SUGCT: variants seen among roughly 807,000 people sequenced by gnomAD.
SUGCT encodes succinyl-CoA:glutarate CoA-transferase.
SUGCT carries 41 observed loss-of-function variants against 55.0 expected under a neutral mutation model. The ratio of observed to expected loss-of-function variants is 0.74; its 90% CI spans 0.58 to 0.97. The LOEUF (loss-of-function observed/expected upper bound fraction) is 0.97. Among genes scored for constraint, SUGCT ranks in the 50% least tolerant of loss-of-function variants. SUGCT has a pLI of 0.00. For missense variants in SUGCT, 568 were observed against 547.8 expected (o/e 1.04, Z -0.37); for synonymous variants, 187 against 200.4 (o/e 0.93, Z 0.56).
chr7:40,668,750 G>A (rs989923041), intron 12 of SUGCT, among the ~76,000 whole-genome samples: 1 of 152,086 alleles, frequency 6.6e-6, no homozygotes. Flanking sequence ...GACAATGAAA[G>A]CTCCAAGAAC....
chr7:40,737,967 A>G (rs1011094756), intron 12 of SUGCT, among the ~76,000 whole-genome samples: 5 of 151,866 alleles, frequency 3.3e-5, no homozygotes, highest in Non-Finnish European at 7.4e-5. Flanking sequence ...GCTCATGCCT[A>G]TAATCGCGCA....
intron 12 of SUGCT, among the ~76,000 whole-genome samples, chr7:40,586,873 G>T (rs1163025503): frequency 6.6e-6 from 1 of 152,180 alleles, no homozygotes; most frequent in Admixed American, 6.5e-5. Context: ...TTACAAGTAG[G>T]AAATAGCCTA....
chr7:40,669,222 T>G (rs1801807314), intron 12 of SUGCT, among the ~76,000 whole-genome samples: 1 of 151,996 alleles, frequency 6.6e-6, no homozygotes, highest in Non-Finnish European at 1.5e-5. Context: ...GAACCTAGAC[T>G]TCTACTCTAA....
intron 9 of SUGCT, among the ~76,000 whole-genome samples, chr7:40,344,377 G>T (rs1437980854): frequency 1.3e-5 from 2 of 152,170 alleles, no homozygotes; most frequent in South Asian, 2.1e-4. Flanking sequence ...TATTGCAGGG[G>T]TGGGCAAACT....
chr7:40,255,660 C>CAAAAAAAAAAA (rs70996898), intron 7 of SUGCT, among the ~76,000 whole-genome samples: 3 of 54,190 alleles, frequency 5.5e-5, no homozygotes, highest in African/African-American at 8.5e-5. Context: ...GACTCTGTAT[C>CAAAAAAAAAAA]AAAAAAAAAA....
intron 12 of SUGCT, among the ~76,000 whole-genome samples, chr7:40,578,342 C>T (rs956378334): frequency 6.6e-6 from 1 of 152,176 alleles, no homozygotes; most frequent in South Asian, 2.1e-4. Context: ...GAGTACTTTT[C>T]GAAAATACTG....
chr7:40,345,521 T>C (rs1354057777), intron 9 of SUGCT, among the ~76,000 whole-genome samples: 2 of 152,220 alleles, frequency 1.3e-5, no homozygotes, highest in Non-Finnish European at 2.9e-5. Flanking sequence ...TGTATGTTCA[T>C]ATGTATAGTT....
At chr7:40,700,288 G>A (rs1785120859) in intron 12 of SUGCT, among the ~76,000 whole-genome samples, 1 of 152,122 alleles carries the variant, frequency 6.6e-6, no homozygotes, top group African/African-American at 2.4e-5. Context: ...CTTAGGACTG[G>A]AGATCCCTCA....
chr7:40,703,948 G>A (rs2128664833), intron 12 of SUGCT, among the ~76,000 whole-genome samples: 1 of 152,364 alleles, frequency 6.6e-6, no homozygotes, highest in Admixed American at 6.5e-5. Context: ...GCCTAGCGTG[G>A]TCTAACTATA....
chr7:41,033,959 GC>G, the SUGCT span, among the ~76,000 whole-genome samples: 11 of 152,246 alleles, frequency 7.2e-5, no homozygotes, highest in Middle Eastern at 3.4e-3. Flanking sequence ...GGGAAATAAT[GC>G]TAAAAAAGAA....
chr7:40,404,014 T>G (rs191095632), intron 9 of SUGCT, among the ~76,000 whole-genome samples: 1 of 152,242 alleles, frequency 6.6e-6, no homozygotes, highest in East Asian at 1.9e-4. Context: ...TGTAGCCATA[T>G]AGGAAAAGGA....
At chr7:40,834,186 C>T (rs1247475673) in intron 13 of SUGCT, among the ~76,000 whole-genome samples, 1 of 145,088 alleles carries the variant, frequency 6.9e-6, no homozygotes, top group Non-Finnish European at 1.5e-5. Flanking sequence ...AATGGAGAAG[C>T]ATGGACTGGA....
chr7:40,571,512 GA>G (rs1406851973), intron 12 of SUGCT, among the ~76,000 whole-genome samples: 1 of 152,138 alleles, frequency 6.6e-6, no homozygotes, highest in African/African-American at 2.4e-5. Flanking sequence ...CTGTATACAG[GA>G]GGGTTACAAT....
chr7:40,337,202 T>A (rs546845675), intron 9 of SUGCT, among the ~76,000 whole-genome samples: 8 of 152,328 alleles, frequency 5.3e-5, no homozygotes, highest in African/African-American at 1.4e-4. Flanking sequence ...TGCTATGTGG[T>A]GCTGAGAAGA....
chr7:40,919,041 G>A, the SUGCT span, among the ~76,000 whole-genome samples: 2 of 152,180 alleles, frequency 1.3e-5, no homozygotes, highest in Admixed American at 6.5e-5. Context: ...GGCATGGAGC[G>A]CCATCCACTT....
chr7:40,249,904 A>C (rs1235338490), intron 7 of SUGCT, among the ~76,000 whole-genome samples: 2 of 152,104 alleles, frequency 1.3e-5, no homozygotes, highest in Non-Finnish European at 2.9e-5. Flanking sequence ...CTCCTGCCTC[A>C]ACCTCCTGAG....
intron 8 of SUGCT, among the ~76,000 whole-genome samples, chr7:40,295,294 GGGTAGGTGT>G (rs1441106692): frequency 6.6e-6 from 1 of 152,180 alleles, no homozygotes; most frequent in Non-Finnish European, 1.5e-5. Context: ...AGAACTCACA[GGGTAGGTGT>G]GGTGGCTCAC....
At chr7:40,408,635 C>G (rs559089582) in intron 9 of SUGCT, among the ~76,000 whole-genome samples, 1 of 152,100 alleles carries the variant, frequency 6.6e-6, no homozygotes, top group Non-Finnish European at 1.5e-5. Flanking sequence ...TTTCTAATTA[C>G]AACTTCCATT....
At chr7:40,531,668 AT>A (rs563565976) in intron 12 of SUGCT, among the ~76,000 whole-genome samples, 205 of 151,274 alleles carry the variant, frequency 1.4e-3, no homozygotes, top group African/African-American at 4.7e-3. Flanking sequence ...ATGTATATAT[AT>A]TTTTTTATTT....
Sources: allele counts gnomAD v4.1 joint callset (sites outside exome capture counted in the v4.1 genomes callset), GRCh38; gene constraint gnomAD v4.1.1; transcripts MANE v1.5; gene names NCBI Gene and HGNC (gene_info 2026-07-23, HGNC 2026-07-21).